The following CELF2 variants were observed in gnomAD, a reference collection of about 807,000 sequenced individuals.
CELF2 encodes CUGBP Elav-like family member 2, also known as CUG triplet repeat RNA-binding protein 2.
CELF2 carries 8 observed loss-of-function variants against 62.6 expected under a neutral mutation model. The ratio of observed to expected loss-of-function variants is 0.13; its 90% CI spans 0.07 to 0.23. The LOEUF (loss-of-function observed/expected upper bound fraction) is 0.23. CELF2 is among the 10% of genes least tolerant of loss of function. The probability of loss-of-function intolerance (pLI) is 1.00; values close to 1 mark genes in which losing one functional copy is unlikely to be tolerated. For missense variants in CELF2, 333 were observed against 671.0 expected (o/e 0.50, Z 5.56); for synonymous variants, 258 against 250.0 (o/e 1.03, Z -0.30).
intron 1 of CELF2, among the ~76,000 whole-genome samples, chr10:11,138,784 C>T (rs2060839193): frequency 6.6e-6 from 1 of 152,112 alleles, no homozygotes; most frequent in Non-Finnish European, 1.5e-5. Context: ...GCAGTGTTCT[C>T]CCTCCTAAAC....
chr10:10,479,827 A>G, the CELF2 span, among the ~76,000 whole-genome samples: 2 of 152,224 alleles, frequency 1.3e-5, no homozygotes, highest in African/African-American at 4.8e-5. Context: ...CTGAAATGTC[A>G]TGGTTTCTTA....
chr10:10,838,224 G>A (rs1312840900), intron 1 of CELF2, among the ~76,000 whole-genome samples: 2 of 152,174 alleles, frequency 1.3e-5, no homozygotes, highest in Non-Finnish European at 2.9e-5. Flanking sequence ...TGACTACACT[G>A]GGATTATGGG....
intron 1 of CELF2, among the ~76,000 whole-genome samples, chr10:11,106,828 G>T (rs1274326689): frequency 6.6e-6 from 1 of 152,224 alleles, no homozygotes; most frequent in Non-Finnish European, 1.5e-5. Context: ...ATTCTGAGTG[G>T]TGTAGTCCTT....
chr10:11,140,504 C>T (rs760832654), intron 1 of CELF2, among the ~76,000 whole-genome samples: 2 of 152,050 alleles, frequency 1.3e-5, no homozygotes, highest in South Asian at 2.1e-4. Flanking sequence ...CCACCTTTAG[C>T]GTCATGTAGC....
At chr10:10,613,676 T>A in the CELF2 span, among the ~76,000 whole-genome samples, 9 of 152,322 alleles carry the variant, frequency 5.9e-5, no homozygotes, top group African/African-American at 2.2e-4. Flanking sequence ...TGGTCCCCTG[T>A]TAGGGCTGCC....
chr10:10,788,964 G>T, the CELF2 span: 1 of 152,096 alleles, frequency 6.6e-6, no homozygotes, highest in South Asian at 2.1e-4. Flanking sequence ...TTGCTACTGA[G>T]TTGTCTTGCC....
chr10:10,907,748 C>T (rs967553126), intron 1 of CELF2, among the ~76,000 whole-genome samples: 1 of 151,846 alleles, frequency 6.6e-6, no homozygotes, highest in Non-Finnish European at 1.5e-5. Flanking sequence ...TCAAAATTCC[C>T]GTTGCTACAG....
chr10:10,811,479 T>C (rs941294603), intron 1 of CELF2, among the ~76,000 whole-genome samples: 6 of 151,498 alleles, frequency 4.0e-5, no homozygotes, highest in African/African-American at 1.5e-4. Flanking sequence ...CCCACAGAGA[T>C]GGGGGGAGAG....
intron 1 of CELF2, among the ~76,000 whole-genome samples, chr10:10,877,126 T>C (rs910672706): frequency 2.6e-5 from 4 of 152,234 alleles, no homozygotes; most frequent in East Asian, 1.9e-4. Flanking sequence ...TAGAGGCCAC[T>C]GCGGTAATCT....
intron 8 of CELF2, among the ~76,000 whole-genome samples, chr10:11,283,731 C>T (rs2089861834): frequency 6.7e-6 from 1 of 149,380 alleles, no homozygotes; most frequent in Non-Finnish European, 1.5e-5. Flanking sequence ...GACTCCCTGG[C>T]CTGAGCCTAG....
upstream of CELF2, among the ~76,000 whole-genome samples, chr10:11,016,787 A>G (rs2137730643): frequency 6.6e-6 from 1 of 152,312 alleles, no homozygotes; most frequent in East Asian, 1.9e-4. This position sits in a 1 kb window ranked among gnomAD's most constrained non-coding sequence, Gnocchi z 5.2. Context: ...AAACAAAACC[A>G]TGTGTGTGTG....
chr10:11,053,911 G>A (rs2064545687), intron 1 of CELF2, among the ~76,000 whole-genome samples: 1 of 152,040 alleles, frequency 6.6e-6, no homozygotes, highest in African/African-American at 2.4e-5. Flanking sequence ...ACCGCACCCG[G>A]CCTGATATTT....
intron 1 of CELF2, among the ~76,000 whole-genome samples, chr10:11,142,593 A>C (rs1342427666): frequency 4.7e-5 from 7 of 149,898 alleles, no homozygotes; most frequent in African/African-American, 1.7e-4. Context: ...CTGAGGCAGG[A>C]GAATGGCGTG....
the CELF2 span, among the ~76,000 whole-genome samples, chr10:10,508,450 C>T: frequency 6.6e-6 from 1 of 152,206 alleles, no homozygotes. Context: ...AGCCAAACAA[C>T]CTACATCAGA....
At chr10:10,653,766 G>A in the CELF2 span, among the ~76,000 whole-genome samples, 3 of 148,240 alleles carry the variant, frequency 2.0e-5, no homozygotes, top group African/African-American at 5.0e-5. Flanking sequence ...GAGAAAGCAG[G>A]AAAGATCCAA....
At chr10:10,912,947 G>A (rs1020953060) in intron 1 of CELF2, among the ~76,000 whole-genome samples, 1 of 152,152 alleles carries the variant, frequency 6.6e-6, no homozygotes, top group Non-Finnish European at 1.5e-5. Flanking sequence ...ACTTCGTGAG[G>A]CTTTTCTAAG....
chr10:11,280,587 A>T lies in CELF2; in HGVS notation c.841+5467A>T, dbSNP rs2088071173. On this transcript the variant is annotated intron_variant, in intron 8 of 12. Transcript: ENST00000633077. This position sits in a 1 kb window ranked among gnomAD's most constrained non-coding sequence, Gnocchi z 7.6. Reference sequence around the variant, plus strand: ...GGCCCAGGAACACTGGGGCCAAGACAGTCCCCACGCTCTTCTCGCCCCGGG... The same window carrying T: ...GGCCCAGGAACACTGGGGCCAAGACTGTCCCCACGCTCTTCTCGCCCCGGG... 6.6e-6 allele frequency among the ~76,000 whole-genome samples: 1 copy of T among 152,204 alleles called. No individual in the cohort carries two copies. The highest frequency in any genetic ancestry group is 2.4e-5 in the African/African-American group (1 of 41,444).
At chr10:11,125,484 C>G (rs1280694374) in intron 1 of CELF2, among the ~76,000 whole-genome samples, 1 of 151,798 alleles carries the variant, frequency 6.6e-6, no homozygotes, top group African/African-American at 2.4e-5. Flanking sequence ...ACCAGTGGCT[C>G]AGAGAGGAGA....
chr10:11,178,449 C>T lies in CELF2; in HGVS notation c.271+12767C>T, dbSNP rs2072045822. On this transcript the variant is annotated intron_variant, in intron 2 of 12. Coordinates refer to ENST00000633077, the MANE Select transcript of CELF2 (RefSeq NM_001326342.2). This position sits in a 1 kb window ranked among gnomAD's most constrained non-coding sequence, Gnocchi z 4.3. ...GAGAGCCAAGGCTTTGCTCTAATCTCTGTGAAGGAAGAAAAAGACTTGGGG... is the reference window on the plus strand; with the variant it reads ...GAGAGCCAAGGCTTTGCTCTAATCTTTGTGAAGGAAGAAAAAGACTTGGGG... Among the ~76,000 whole-genome samples the T allele has an allele frequency of 6.6e-6, 1 of 152,238 alleles. No homozygotes were observed. The highest frequency in any genetic ancestry group is 2.4e-5 in the African/African-American group (1 of 41,458).
Sources: allele counts gnomAD v4.1 joint callset (sites outside exome capture counted in the v4.1 genomes callset), GRCh38; gene constraint gnomAD v4.1.1; non-coding constraint Gnocchi (gnomAD v3.1); transcripts MANE v1.5; gene names NCBI Gene and HGNC (gene_info 2026-07-23, HGNC 2026-07-21).